R3HDM2: variants seen among roughly 807,000 people sequenced by gnomAD.
R3HDM2 encodes R3H domain containing 2, also known as R3H domain-containing protein 2.
A neutral mutation model predicts 124.5 loss-of-function variants in R3HDM2; 38 were observed. That is an observed-to-expected ratio of 0.31 (90% CI 0.24 to 0.40). R3HDM2 has a LOEUF of 0.40. Ranked by LOEUF, R3HDM2 falls within the 10% of genes least tolerant of loss-of-function variation. The probability of loss-of-function intolerance (pLI) is 1.00; values close to 1 mark genes in which losing one functional copy is unlikely to be tolerated. For synonymous variants in R3HDM2, 391 were observed against 448.0 expected (o/e 0.87, Z 1.61); for missense variants, 869 against 1,236.9 (o/e 0.70, Z 4.46).
chr12:57,258,310 T>TTTTATTTA (rs201590705), intron 20 of R3HDM2, among the ~76,000 whole-genome samples, 173 bp from the exon 21 acceptor site: 1,515 of 145,096 alleles, frequency 0.01, 16 homozygotes, highest in East Asian at 0.034. Context: ...ATTTATGCTA[T>TTTTATTTA]TTTATTTATT....
chr12:57,320,424 A>G (rs1219271419), intron 2 of R3HDM2, among the ~76,000 whole-genome samples: 2 of 152,040 alleles, frequency 1.3e-5, no homozygotes, highest in Non-Finnish European at 2.9e-5. Flanking sequence ...GAACTACTTC[A>G]TATGTAATGG....
At chr12:57,352,894 G>A (rs1254325708) in intron 2 of R3HDM2, among the ~76,000 whole-genome samples, 1 of 151,990 alleles carries the variant, frequency 6.6e-6, no homozygotes, top group Non-Finnish European at 1.5e-5. Flanking sequence ...TATATTAGAA[G>A]CATAATTAAA....
intron 2 of R3HDM2, among the ~76,000 whole-genome samples, chr12:57,375,742 G>A (rs1194769152): frequency 6.7e-6 from 1 of 149,612 alleles, no homozygotes; most frequent in Non-Finnish European, 1.5e-5. Flanking sequence ...GTGCAATCTC[G>A]GCTCACTACA....
At position 57,258,901 on chromosome 12, in the gene R3HDM2, T is replaced by C. The variant is rs765589432; in HGVS notation, c.2290A>G (p.Ser764Gly). Reference sequence around the variant, plus strand: ...AGTGCTGCACTCACCTGGGGGCTGCTGTCAGGACTGTACAGGTCTCCAGGC... The same window carrying C: ...AGTGCTGCACTCACCTGGGGGCTGCCGTCAGGACTGTACAGGTCTCCAGGC... ...QKPGDLYSPD[S>G]SPQANTQMSS... is the part of the protein sequence containing the mutation. The change falls in exon 20 of 24, where the codon AGC becomes GGC. Residue 764 changes from serine (S) to glycine (G), a missense_variant. Ser to Gly is a moderately conservative substitution (Grantham distance 56, BLOSUM62 0). Around this residue, in one of 2 missense-constraint regions of R3HDM2, gnomAD observed 602 missense variants for 789.2 expected, o/e 0.76. Transcript: ENST00000402412. 8 of 1,592,564 alleles carry C rather than the reference T, an allele frequency of 5.0e-6. No homozygotes were observed. In the South Asian group the frequency reaches 9.1e-5, roughly 18 times the overall value.
intron 2 of R3HDM2, among the ~76,000 whole-genome samples, chr12:57,371,083 C>CTTTTTTTTT (rs775839017): frequency 0.036 from 1,470 of 40,888 alleles, 312 homozygotes; most frequent in African/African-American, 0.074. Context: ...TATACCATTA[C>CTTTTTTTTT]TTTTTTTTTT....
At chr12:57,359,137 G>C (rs1194745127) in intron 2 of R3HDM2, among the ~76,000 whole-genome samples, 1 of 151,992 alleles carries the variant, frequency 6.6e-6, no homozygotes, top group East Asian at 1.9e-4. Flanking sequence ...GGCTGGTCTT[G>C]AACTCCTGAC....
intron 6 of R3HDM2, 21 bp from the exon 7 acceptor site, chr12:57,298,189 G>T (rs1286649188): frequency 3.3e-6 from 5 of 1,504,512 alleles, no homozygotes; most frequent in East Asian, 2.5e-5. Context: ...CACAACAAAA[G>T]AAATTAAAAT....
At chr12:57,297,886 C>T in intron 7 of R3HDM2, 5 of 569,582 alleles carry the variant, frequency 8.8e-6, no homozygotes, top group South Asian at 2.2e-5. Flanking sequence ...AGAAGTTTTC[C>T]CAATTCTTCT....
chr12:57,338,879 TAAA>T (rs2059200867), intron 2 of R3HDM2, among the ~76,000 whole-genome samples: 2 of 152,066 alleles, frequency 1.3e-5, no homozygotes, highest in African/African-American at 2.4e-5. Context: ...ACTCTATTTC[TAAA>T]TATTAATAAT....
rs113192810 is a variant in R3HDM2 at position 57,386,322 on chromosome 12, G to A, written c.-36+9427C>T. Reference sequence around the variant, plus strand: ...CGGGGAGGTGTGGACGGAGAGGCACGGGCGGGAACCGAGGCTGCCCATGGC... The same window carrying A: ...CGGGGAGGTGTGGACGGAGAGGCACAGGCGGGAACCGAGGCTGCCCATGGC... On this transcript the variant is annotated intron_variant, in intron 2 of 23. Transcript: ENST00000402412. Among the ~76,000 whole-genome samples, 533 of 152,336 alleles carry A rather than the reference G, an allele frequency of 3.5e-3. 3 individuals carry two copies. The highest frequency in any genetic ancestry group is 0.011 in the African/African-American group (445 of 41,586).
chr12:57,304,606 T>C, intron 3 of R3HDM2: 1 of 707,062 alleles, frequency 1.4e-6, no homozygotes, highest in Non-Finnish European at 1.7e-6. Flanking sequence ...GTGGATCTGC[T>C]CAGTGGTAAG....
intron 11 of R3HDM2, among the ~76,000 whole-genome samples, chr12:57,291,538 C>T (rs918021370): frequency 4.0e-5 from 6 of 151,774 alleles, no homozygotes; most frequent in African/African-American, 1.5e-4. Flanking sequence ...CCTGTAATCC[C>T]AGCTACTCGG....
intron 14 of R3HDM2, among the ~76,000 whole-genome samples, chr12:57,275,945 C>T (rs2137678249): frequency 6.6e-6 from 1 of 152,274 alleles, no homozygotes; most frequent in Non-Finnish European, 1.5e-5. Flanking sequence ...GGGCCGGGCG[C>T]AGTGGCTCAT....
At chr12:57,260,263 C>CAAAAAAAACAAAAAAAAAAAAAAAAA in intron 19 of R3HDM2, among the ~76,000 whole-genome samples, 1 of 31,562 alleles carries the variant, frequency 3.2e-5, no homozygotes, top group Non-Finnish European at 5.3e-5. Context: ...GACCCTGCCT[C>CAAAAAAAACAAAAAAAAAAAAAAAAA]AAAAAAAAAA....
intron 2 of R3HDM2, among the ~76,000 whole-genome samples, chr12:57,319,696 T>C (rs1021830569): frequency 2.6e-5 from 4 of 152,250 alleles, no homozygotes; most frequent in Admixed American, 6.5e-5. Flanking sequence ...CATTTTCTTC[T>C]AGGATAAAAG....
chr12:57,422,516 A>C (rs2070313583), intron 1 of R3HDM2, among the ~76,000 whole-genome samples: 1 of 152,182 alleles, frequency 6.6e-6, no homozygotes, highest in African/African-American at 2.4e-5. Flanking sequence ...TCACCTAGCT[A>C]ACTCCCAGGT....
intron 7 of R3HDM2, 33 bp from the exon 8 acceptor site, chr12:57,297,420 AAAC>A (rs750419614): frequency 9.0e-5 from 126 of 1,393,170 alleles, no homozygotes; most frequent in Non-Finnish European, 1.1e-4. Context: ...AAACAAAACA[AAAC>A]AAAAAGCAGC....
At chr12:57,291,797 A>G (rs1160341439) in intron 11 of R3HDM2, among the ~76,000 whole-genome samples, 1 of 152,094 alleles carries the variant, frequency 6.6e-6, no homozygotes, top group African/African-American at 2.4e-5. Flanking sequence ...CATTTTCTGG[A>G]GATTTGTTTC....
At chr12:57,338,336 C>G (rs1036067171) in intron 2 of R3HDM2, among the ~76,000 whole-genome samples, 2 of 134,628 alleles carry the variant, frequency 1.5e-5, no homozygotes, top group African/African-American at 2.6e-5. Context: ...ACAACACGCA[C>G]AATTATAGAG....
Sources: gnomAD v4.1 joint callset for allele counts (sites outside exome capture counted in the v4.1 genomes callset) on GRCh38, gnomAD v4.1.1 for gene constraint, gnomAD v4.1.1 regional missense constraint, MANE v1.5 for transcripts, NCBI Gene and HGNC (gene_info 2026-07-23, HGNC 2026-07-21) for gene names.